SLC24A3: variants seen among roughly 807,000 people sequenced by gnomAD.
SLC24A3 encodes the protein sodium/potassium/calcium exchanger 3.
A neutral mutation model predicts 75.8 loss-of-function variants in SLC24A3; 28 were observed. That is an observed-to-expected ratio of 0.37 (90% CI 0.27 to 0.51). The LOEUF (loss-of-function observed/expected upper bound fraction) is 0.51, where lower values mean the gene tolerates loss of function less well. Among genes scored for constraint, SLC24A3 ranks in the 20% least tolerant of loss-of-function variants. The probability of loss-of-function intolerance (pLI) is 0.94; values close to 1 mark genes in which losing one functional copy is unlikely to be tolerated. For synonymous variants in SLC24A3, 372 were observed against 334.1 expected (o/e 1.11, Z -1.24); for missense variants, 663 against 847.8 (o/e 0.78, Z 2.71).
chr20:19,546,234 G>A (rs1036485511), intron 3 of SLC24A3, among the ~76,000 whole-genome samples: 2 of 142,238 alleles, frequency 1.4e-5, no homozygotes, highest in East Asian at 2.2e-4. Flanking sequence ...TCTCCAGGAC[G>A]CAGGATGTGG....
At chr20:19,564,782 A>G (rs1175040842) in intron 3 of SLC24A3, among the ~76,000 whole-genome samples, 1 of 152,188 alleles carries the variant, frequency 6.6e-6, no homozygotes, top group Non-Finnish European at 1.5e-5. Context: ...TTCCCTTGCC[A>G]CTTCCTTCCT....
chr20:19,652,265 G>A (rs1013540223), intron 6 of SLC24A3, among the ~76,000 whole-genome samples: 1 of 152,192 alleles, frequency 6.6e-6, no homozygotes, highest in African/African-American at 2.4e-5. Context: ...GTAATGGTAT[G>A]TACTCAATCT....
Position 19,645,230 on chromosome 20 carries a change from C to T in SLC24A3, c.613-8832C>T, listed in dbSNP as rs189165410. ...AGTGATTCTATTATTTATTGTATGC[C>T]TTTTAACACACTATTCTGCAAAGGG... On this transcript the variant is annotated intron_variant, in intron 6 of 16. Coordinates refer to ENST00000328041, the MANE Select transcript of SLC24A3 (RefSeq NM_020689.4). Among the ~76,000 whole-genome samples, 803 of 152,192 alleles carry T rather than the reference C, an allele frequency of 5.3e-3. 2 individuals carry two copies. Among genetic ancestry groups the T allele is most frequent in the Middle Eastern group, 0.031 (9 of 294 alleles).
At chr20:19,555,775 C>T (rs1180896395) in intron 3 of SLC24A3, among the ~76,000 whole-genome samples, 1 of 152,116 alleles carries the variant, frequency 6.6e-6, no homozygotes, top group Non-Finnish European at 1.5e-5. Flanking sequence ...TTTGAAGGAC[C>T]CCTCTCCTCC....
rs530027099 is a variant in SLC24A3, at chr20:19,686,616, G to A, written c.1324+1255G>A. On this transcript the variant is annotated intron_variant, in intron 12 of 16. Coordinates refer to ENST00000328041, the MANE Select transcript of SLC24A3 (RefSeq NM_020689.4). ...TGACTTGAAAGCCCATTTAATGATA[G>A]GACATGGTGCCGAGTGTCAGAGTCC... Among the ~76,000 whole-genome samples, 20 of 152,308 alleles carry A rather than the reference G, an allele frequency of 1.3e-4. No individual in the cohort carries two copies. In the South Asian group the frequency reaches 3.7e-3, roughly 28 times the overall value.
chr20:19,278,614 A>G (rs771060322), intron 1 of SLC24A3, among the ~76,000 whole-genome samples: 3 of 152,182 alleles, frequency 2.0e-5, no homozygotes, highest in Non-Finnish European at 4.4e-5. Context: ...AGGTTATCCA[A>G]ACTACACAAA....
At chr20:19,697,062 AGAAGGAAG>A (rs1022260913) in intron 14 of SLC24A3, 151 bp downstream of exon 14, 2 of 635,650 alleles carry the variant, frequency 3.1e-6, no homozygotes, top group Non-Finnish European at 2.7e-6. Flanking sequence ...AGTGAAGGAA[AGAAGGAAG>A]GAAGGGAGGA....
At chr20:19,442,428 T>C (rs989658022) in intron 2 of SLC24A3, among the ~76,000 whole-genome samples, 15 of 152,214 alleles carry the variant, frequency 9.9e-5, no homozygotes, top group Non-Finnish European at 2.2e-4. Flanking sequence ...TTGTATCTCA[T>C]TGTTCTTCTA....
chr20:19,692,196 A>G (rs1434038569), intron 12 of SLC24A3, among the ~76,000 whole-genome samples: 1 of 152,252 alleles, frequency 6.6e-6, no homozygotes, highest in East Asian at 1.9e-4. Flanking sequence ...TGGGAATATA[A>G]AATGGTTCAA....
chr20:19,523,448 A>G (rs2030140378), intron 3 of SLC24A3, among the ~76,000 whole-genome samples: 1 of 152,270 alleles, frequency 6.6e-6, no homozygotes, highest in Non-Finnish European at 1.5e-5. Flanking sequence ...AGAGAGGATT[A>G]GCACAAAGAG....
At chr20:19,427,255 A>C (rs1229321351) in intron 2 of SLC24A3, among the ~76,000 whole-genome samples, 2 of 152,138 alleles carry the variant, frequency 1.3e-5, no homozygotes, top group Admixed American at 1.3e-4. Flanking sequence ...GGCATGAAAA[A>C]AGCAGCAAAA....
intron 2 of SLC24A3, among the ~76,000 whole-genome samples, chr20:19,288,058 G>C (rs973305294): frequency 2.0e-5 from 3 of 152,218 alleles, no homozygotes; most frequent in African/African-American, 7.2e-5. Context: ...AAGGTAGGCT[G>C]ATGGAGATCA....
chr20:19,581,992 C>A (rs2031224642), intron 4 of SLC24A3, among the ~76,000 whole-genome samples: 1 of 152,202 alleles, frequency 6.6e-6, no homozygotes, highest in African/African-American at 2.4e-5. Context: ...GAGTGGGTGC[C>A]CCGTGCCTGT....
At chr20:19,605,476 G>A (rs1600299968) in intron 6 of SLC24A3, among the ~76,000 whole-genome samples, 1 of 152,168 alleles carries the variant, frequency 6.6e-6, no homozygotes, top group East Asian at 1.9e-4. Context: ...ATGAGTTTCT[G>A]AAGCTGAAGT....
At chr20:19,335,800 A>G (rs144675326) in intron 2 of SLC24A3, among the ~76,000 whole-genome samples, 1,739 of 152,368 alleles carry the variant, frequency 0.011, 17 homozygotes, top group South Asian at 0.017. Context: ...TTGAGTTAGC[A>G]TCAATTAACT....
chr20:19,406,205 T>TGTGC (rs1555791746), intron 2 of SLC24A3, among the ~76,000 whole-genome samples: 3 of 148,348 alleles, frequency 2.0e-5, no homozygotes, highest in Non-Finnish European at 3.0e-5. Flanking sequence ...TGTGTGTGTG[T>TGTGC]GTGCGTGCGT....
At chr20:19,673,139 GTC>G (rs1372555527) in intron 8 of SLC24A3, among the ~76,000 whole-genome samples, 1 of 152,128 alleles carries the variant, frequency 6.6e-6, no homozygotes, top group Non-Finnish European at 1.5e-5. Flanking sequence ...GGTTCCGTCT[GTC>G]TGTCTGCCTG....
chr20:19,676,232 C>T (rs1358556774), intron 9 of SLC24A3, among the ~76,000 whole-genome samples: 6 of 152,182 alleles, frequency 3.9e-5, no homozygotes, highest in African/African-American at 7.2e-5. Flanking sequence ...GCCCATGAGT[C>T]GCTGGCAGGA....
chr20:19,619,380 A>G (rs1487251285), intron 6 of SLC24A3, among the ~76,000 whole-genome samples: 2 of 152,190 alleles, frequency 1.3e-5, no homozygotes, highest in South Asian at 4.2e-4. Context: ...TCTCTCCCCA[A>G]CTGTTTGAAT....
Sources: gnomAD v4.1 joint callset for allele counts (sites outside exome capture counted in the v4.1 genomes callset) on GRCh38, gnomAD v4.1.1 for gene constraint, MANE v1.5 for transcripts, NCBI Gene and HGNC (gene_info 2026-07-23, HGNC 2026-07-21) for gene names.